DACH1: variants seen among roughly 807,000 people sequenced by gnomAD.
The protein encoded by DACH1 is dachshund homolog 1.
DACH1 carries 12 observed loss-of-function variants against 54.2 expected under a neutral mutation model. The observed-to-expected ratio is 0.22, with a 90% CI of 0.14 to 0.36. The LOEUF (loss-of-function observed/expected upper bound fraction) is 0.36, where lower values mean the gene tolerates loss of function less well. DACH1 is among the 10% of genes least tolerant of loss of function. The pLI is 1.00. For missense variants in DACH1, 805 were observed against 929.8 expected (o/e 0.87, Z 1.75); for synonymous variants, 386 against 366.2 (o/e 1.05, Z -0.62).
chr13:71,778,646 G>A (rs955302379), intron 1 of DACH1, among the ~76,000 whole-genome samples: 2 of 151,946 alleles, frequency 1.3e-5, no homozygotes, highest in Admixed American at 6.6e-5. Flanking sequence ...AATATAAACT[G>A]CAACTTTCCT....
intron 2 of DACH1, among the ~76,000 whole-genome samples, chr13:71,660,975 A>T (rs1214944463): frequency 3.3e-5 from 5 of 149,344 alleles, no homozygotes; most frequent in Non-Finnish European, 7.5e-5. Flanking sequence ...TGAAAATAAT[A>T]AAAAAAAGGA....
At chr13:71,723,893 G>C (rs1308524608) in intron 1 of DACH1, among the ~76,000 whole-genome samples, 1 of 152,052 alleles carries the variant, frequency 6.6e-6, no homozygotes, top group Non-Finnish European at 1.5e-5. Flanking sequence ...GTTCCACCAT[G>C]TTGCTCAGGT....
chr13:71,539,889 A>G (rs757233943), intron 6 of DACH1, among the ~76,000 whole-genome samples: 5 of 152,062 alleles, frequency 3.3e-5, no homozygotes, highest in Non-Finnish European at 7.4e-5. Context: ...GTTGTATTTT[A>G]AAGAGTATCT....
intron 6 of DACH1, among the ~76,000 whole-genome samples, chr13:71,537,936 C>T (rs1206168843): frequency 6.6e-6 from 1 of 151,984 alleles, no homozygotes; most frequent in African/African-American, 2.4e-5. Context: ...ATACATGAGC[C>T]ATGTAGATAT....
At chr13:71,646,156 T>C (rs1236730675) in intron 2 of DACH1, among the ~76,000 whole-genome samples, 2 of 151,700 alleles carry the variant, frequency 1.3e-5, no homozygotes, top group East Asian at 1.9e-4. Flanking sequence ...GCCAACATGG[T>C]AAAAGTCCCA....
At chr13:71,647,784 C>T (rs1333487418) in intron 2 of DACH1, among the ~76,000 whole-genome samples, 1 of 152,116 alleles carries the variant, frequency 6.6e-6, no homozygotes, top group Non-Finnish European at 1.5e-5. Flanking sequence ...GTGAGAAAAG[C>T]TCCTTGGAGA....
At chr13:71,565,339 C>T (rs554668762) in intron 4 of DACH1, among the ~76,000 whole-genome samples, 1 of 152,204 alleles carries the variant, frequency 6.6e-6, no homozygotes, top group African/African-American at 2.4e-5. Context: ...TTACTGAACA[C>T]TTACTATGTA....
chr13:71,579,983 T>C (rs1885761894), intron 3 of DACH1, among the ~76,000 whole-genome samples: 1 of 152,116 alleles, frequency 6.6e-6, no homozygotes, highest in African/African-American at 2.4e-5. Context: ...CCAGATTGAT[T>C]TGTATTGACT....
chr13:71,566,283 G>A (rs1355583532), intron 4 of DACH1, among the ~76,000 whole-genome samples: 1 of 152,130 alleles, frequency 6.6e-6, no homozygotes, highest in East Asian at 1.9e-4. Flanking sequence ...CTTGGTACAA[G>A]TTGATGTGGG....
At chr13:71,813,474 C>G (rs897107604) in intron 1 of DACH1, among the ~76,000 whole-genome samples, 1 of 152,166 alleles carries the variant, frequency 6.6e-6, no homozygotes, top group Non-Finnish European at 1.5e-5. Flanking sequence ...CTTGCGTTAT[C>G]AACTCCATCC....
At chr13:71,685,497 A>C (rs772149300) in intron 1 of DACH1, among the ~76,000 whole-genome samples, 6 of 152,166 alleles carry the variant, frequency 3.9e-5, no homozygotes, top group Admixed American at 3.3e-4. Context: ...AACAACTATG[A>C]ACCTCTCGTT....
At chr13:71,736,032 C>G (rs943831627) in intron 1 of DACH1, among the ~76,000 whole-genome samples, 2 of 152,080 alleles carry the variant, frequency 1.3e-5, no homozygotes, top group African/African-American at 4.8e-5. Flanking sequence ...ATGATACTAG[C>G]TACCAAAATA....
chr13:71,856,903 C>T (rs1874039863), intron 1 of DACH1, among the ~76,000 whole-genome samples: 1 of 151,924 alleles, frequency 6.6e-6, no homozygotes, highest in Non-Finnish European at 1.5e-5. Context: ...TCATTCCTAA[C>T]TCATCTCATT....
intron 2 of DACH1, among the ~76,000 whole-genome samples, chr13:71,643,267 A>G (rs952019547): frequency 1.3e-5 from 2 of 152,198 alleles, no homozygotes; most frequent in Admixed American, 6.5e-5. Flanking sequence ...TACCTGGAAT[A>G]TGTGGCATAA....
chr13:71,776,734 T>G (rs751555020), intron 1 of DACH1, among the ~76,000 whole-genome samples: 21 of 152,156 alleles, frequency 1.4e-4, no homozygotes, highest in Non-Finnish European at 2.4e-4. Context: ...AAACATATAT[T>G]TAAATTTTAC....
intron 10 of DACH1, among the ~76,000 whole-genome samples, chr13:71,463,319 G>C (rs1876267306): frequency 1.3e-5 from 2 of 151,916 alleles, no homozygotes; most frequent in African/African-American, 4.8e-5. Flanking sequence ...TGAGAAAAAT[G>C]CAAGCTAATG....
At chr13:71,512,017 AGT>A (rs1880815078) in intron 6 of DACH1, among the ~76,000 whole-genome samples, 1 of 151,972 alleles carries the variant, frequency 6.6e-6, no homozygotes, top group African/African-American at 2.4e-5. Context: ...TATACCAGAA[AGT>A]GTGTCTTGGT....
intron 4 of DACH1, among the ~76,000 whole-genome samples, chr13:71,566,992 CTT>C (rs1884929967): frequency 6.6e-6 from 1 of 152,050 alleles, no homozygotes; most frequent in Non-Finnish European, 1.5e-5. Context: ...TTTTTATAAT[CTT>C]TTCACATTTT....
At chr13:71,836,996 C>A (rs1375490878) in intron 1 of DACH1, among the ~76,000 whole-genome samples, 1 of 151,378 alleles carries the variant, frequency 6.6e-6, no homozygotes, top group Admixed American at 6.6e-5. Context: ...GTTTTCATCA[C>A]TTTATACACA....
Sources: gnomAD v4.1 joint callset for allele counts (sites outside exome capture counted in the v4.1 genomes callset) on GRCh38, gnomAD v4.1.1 for gene constraint, MANE v1.5 for transcripts, NCBI Gene and HGNC (gene_info 2026-07-23, HGNC 2026-07-21) for gene names.